Variants in CAMTA1 observed in about 807,000 individuals in gnomAD.
CAMTA1 encodes the protein calmodulin-binding transcription activator 1.
Under a neutral mutation model 170.9 loss-of-function variants are expected in CAMTA1, and 27 were observed. That is an observed-to-expected ratio of 0.16 (90% CI 0.12 to 0.22). The LOEUF is 0.22. CAMTA1 is among the 10% of genes least tolerant of loss of function. The probability of loss-of-function intolerance (pLI) is 1.00; values close to 1 mark genes in which losing one functional copy is unlikely to be tolerated. For missense variants in CAMTA1, 1,619 were observed against 2,217.2 expected, an observed-to-expected ratio of 0.73 and a Z score of 5.42; for synonymous variants, 833 against 891.5, an observed-to-expected ratio of 0.93 and a Z score of 1.17.
intron 3 of CAMTA1, among the ~76,000 whole-genome samples, chr1:6,844,142 A>AAT: frequency 6.6e-6 from 1 of 152,328 alleles, no homozygotes; most frequent in African/African-American, 2.4e-5. Flanking sequence ...AGACACTCAG[A>AAT]ATATATATTG....
intron 5 of CAMTA1, among the ~76,000 whole-genome samples, chr1:7,433,921 A>G (rs892597055): frequency 6.6e-6 from 1 of 152,142 alleles, no homozygotes; most frequent in African/African-American, 2.4e-5. Context: ...CCAGCAGCAC[A>G]GGATCAGCCC....
At chr1:7,403,980 T>C (rs528225857) in intron 5 of CAMTA1, among the ~76,000 whole-genome samples, 4 of 152,336 alleles carry the variant, frequency 2.6e-5, no homozygotes, top group Admixed American at 2.6e-4. Flanking sequence ...AGAGTGCTCC[T>C]GGAGAGCAGC....
Position 6,798,722 on chromosome 1 carries a change from G to A in CAMTA1, c.45+13147G>A, listed in dbSNP as rs1420252233. Among the ~76,000 whole-genome samples the A allele has an allele frequency of 2.2e-5, 3 of 138,822 alleles. 1 individual carries two copies. The highest frequency in any genetic ancestry group is 2.3e-4 in the East Asian group (1 of 4,356). The allele number at this position is 138,822 out of a possible 152,430, so 91.1% of individuals were successfully genotyped here. On this transcript the variant is annotated intron_variant, in intron 1 of 22. Coordinates refer to ENST00000303635, the MANE Select transcript of CAMTA1 (RefSeq NM_015215.4). ...CGCCATTCTCCTGCCTCAGCCTCCC[G>A]AGTAGCTGGGACTACAGGCGCCCGC... is the stretch of plus-strand genomic sequence containing the variant.
At chr1:7,460,198 C>T (rs1725234) in intron 5 of CAMTA1, among the ~76,000 whole-genome samples, 95,377 of 152,224 alleles carry the variant, frequency 0.63, 30,124 homozygotes, top group African/African-American at 0.7. Context: ...CGTCCTCTCC[C>T]GTGGCGGCCC....
At chr1:6,990,226 T>C (rs1236391159) in intron 3 of CAMTA1, among the ~76,000 whole-genome samples, 4 of 152,234 alleles carry the variant, frequency 2.6e-5, no homozygotes, top group Non-Finnish European at 2.9e-5. Context: ...ATCTTTCTTG[T>C]TTTCTGTTAA....
At chr1:6,968,172 T>C (rs1691893753) in intron 3 of CAMTA1, among the ~76,000 whole-genome samples, 2 of 152,264 alleles carry the variant, frequency 1.3e-5, no homozygotes, top group Admixed American at 6.5e-5. Context: ...TCAGGAGCAG[T>C]CGGCTGTCCG....
intron 3 of CAMTA1, among the ~76,000 whole-genome samples, chr1:6,925,724 A>G (rs1682957330): frequency 6.6e-6 from 1 of 152,200 alleles, no homozygotes; most frequent in Non-Finnish European, 1.5e-5. Flanking sequence ...CCTGGCACCC[A>G]TAAGTGGAGC....
At chr1:6,963,082 T>C (rs1690792268) in intron 3 of CAMTA1, among the ~76,000 whole-genome samples, 1 of 150,694 alleles carries the variant, frequency 6.6e-6, no homozygotes, top group Non-Finnish European at 1.5e-5. Flanking sequence ...CCTCTGTCCA[T>C]TAGGGCCCCG....
At chr1:7,392,429 AT>A in intron 5 of CAMTA1, among the ~76,000 whole-genome samples, 1 of 150,454 alleles carries the variant, frequency 6.6e-6, no homozygotes, top group Non-Finnish European at 1.5e-5. Context: ...CTGATTTTGT[AT>A]TTTTAGTAGA....
intron 3 of CAMTA1, among the ~76,000 whole-genome samples, chr1:6,977,869 C>T (rs1693739728): frequency 6.6e-6 from 1 of 152,170 alleles, no homozygotes; most frequent in Non-Finnish European, 1.5e-5. Context: ...GAGTACCATT[C>T]AGCCATAAAA....
At chr1:7,438,100 AGAGGCG>A (rs560202296) in intron 5 of CAMTA1, among the ~76,000 whole-genome samples, 1 of 152,272 alleles carries the variant, frequency 6.6e-6, no homozygotes, top group Admixed American at 6.5e-5. Flanking sequence ...GTAGGGGTGT[AGAGGCG>A]GAGGCAGAGG....
intron 16 of CAMTA1, among the ~76,000 whole-genome samples, chr1:7,744,258 C>T (rs1413732941): frequency 1.3e-5 from 2 of 151,520 alleles, no homozygotes; most frequent in African/African-American, 4.9e-5. Context: ...CAGCCTCCCA[C>T]GTAGCTGGGA....
intron 5 of CAMTA1, among the ~76,000 whole-genome samples, chr1:7,323,944 C>A (rs1176952954): frequency 2.6e-5 from 4 of 152,172 alleles, no homozygotes; most frequent in Non-Finnish European, 5.9e-5. Context: ...AAAATGTGTT[C>A]CATGTATGCT....
chr1:7,688,584 A>C (rs1370827611), intron 11 of CAMTA1, among the ~76,000 whole-genome samples: 1 of 152,080 alleles, frequency 6.6e-6, no homozygotes, highest in Non-Finnish European at 1.5e-5. Context: ...AGAAGAGAAG[A>C]CACAAGTGCT....
In CAMTA1 at chr1:7,532,271, C is replaced by T. The variant is rs569089685; in HGVS notation, c.510+64370C>T. ...CAAGTCAGGACTGCCACTCACCCTC[C>T]GAGGTGGCCATCTTCTCAGCTTCTT... On this transcript the variant is annotated intron_variant, in intron 6 of 22. Coordinates refer to ENST00000303635, the MANE Select transcript of CAMTA1 (RefSeq NM_015215.4). This position sits in a 1 kb window ranked among gnomAD's most constrained non-coding sequence, Gnocchi z 4.2. 3.3e-4 allele frequency among the ~76,000 whole-genome samples: 50 copies of T among 152,264 alleles called. No individual in the cohort carries two copies. Among genetic ancestry groups the T allele is most frequent in the African/African-American group, 1.0e-3 (43 of 41,574 alleles).
rs115227555 is a variant in CAMTA1 at position 7,547,457 on chromosome 1, C to G, written c.510+79556C>G. Among the ~76,000 whole-genome samples, 1,635 of 151,888 alleles carry G rather than the reference C, an allele frequency of 0.011. 29 individuals carry two copies. Among genetic ancestry groups the G allele is most frequent in the African/African-American group, 0.038 (1,565 of 41,370 alleles). On this transcript the variant is annotated intron_variant, in intron 6 of 22. Coordinates refer to ENST00000303635, the MANE Select transcript of CAMTA1 (RefSeq NM_015215.4). The surrounding 1 kb of genome is among the most constrained non-coding windows in gnomAD (Gnocchi z 5.7). ...CAACCAACAACGGGCCAAAAATATCCAGGAAAAAAATTGCATTTGTACCAA... is the reference window on the plus strand; with the variant it reads ...CAACCAACAACGGGCCAAAAATATCGAGGAAAAAAATTGCATTTGTACCAA...
In CAMTA1 at chr1:7,144,709, C is replaced by T. The variant is rs1646084516; in HGVS notation, c.302+53338C>T. On this transcript the variant is annotated intron_variant, in intron 4 of 22. Coordinates refer to ENST00000303635, the MANE Select transcript of CAMTA1 (RefSeq NM_015215.4). This position sits in a 1 kb window ranked among gnomAD's most constrained non-coding sequence, Gnocchi z 4.0. The stretch of plus-strand genomic sequence containing the variant: ...TGTCAAATGTATTTGCTTCCTTCTA[C>T]CAGTCCTGTCTGGTAATCTCTATAA... 6.6e-6 allele frequency among the ~76,000 whole-genome samples: 1 copy of T among 152,228 alleles called. No individual in the cohort carries two copies. The highest frequency in any genetic ancestry group is 1.5e-5 in the Non-Finnish European group (1 of 68,034).
chr1:7,355,276 C>T (rs373119380), intron 5 of CAMTA1, among the ~76,000 whole-genome samples: 17 of 96,574 alleles, frequency 1.8e-4, no homozygotes, highest in Admixed American at 9.7e-4. Context: ...CCCAGCTACT[C>T]GGGAGGCTGA....
intron 22 of CAMTA1, among the ~76,000 whole-genome samples, chr1:7,756,135 T>C (rs2096929868): frequency 6.6e-6 from 1 of 152,110 alleles, no homozygotes; most frequent in South Asian, 2.1e-4. Context: ...TTTTTTTTTT[T>C]TAATGAATCT....
Sources: gnomAD v4.1 joint callset for allele counts (sites outside exome capture counted in the v4.1 genomes callset) on GRCh38, gnomAD v4.1.1 for gene constraint, Gnocchi (gnomAD v3.1) non-coding constraint, MANE v1.5 for transcripts, NCBI Gene and HGNC (gene_info 2026-07-23, HGNC 2026-07-21) for gene names.